Variants in MARCO observed in about 807,000 individuals in gnomAD.
The protein encoded by MARCO is macrophage receptor with collagenous structure.
A neutral mutation model predicts 70.0 loss-of-function variants in MARCO; 72 were observed. That is an observed-to-expected ratio of 1.03 (90% CI 0.85 to 1.25). MARCO has a LOEUF of 1.25. Ranked by LOEUF, MARCO falls within the 50% of genes most tolerant of loss-of-function variation. The pLI is 0.00. For synonymous variants in MARCO, 273 were observed against 243.1 expected (o/e 1.12, Z -1.14); for missense variants, 696 against 659.3 (o/e 1.06, Z -0.61).
chr2:118,984,074 AT>A (rs956782701), intron 12 of MARCO, among the ~76,000 whole-genome samples: 13 of 152,176 alleles, frequency 8.5e-5, no homozygotes, highest in Non-Finnish European at 7.3e-5. Context: ...CCATTAAGAG[AT>A]GCAGCCAGGT....
At chr2:118,970,952 G>A (rs1022085162) in intron 3 of MARCO, among the ~76,000 whole-genome samples, 1 of 152,202 alleles carries the variant, frequency 6.6e-6, no homozygotes, top group Non-Finnish European at 1.5e-5. Flanking sequence ...TGTGTGAGCT[G>A]AGGCTTAGGA....
intron 3 of MARCO, among the ~76,000 whole-genome samples, 181 bp downstream of exon 3, chr2:118,970,519 C>T (rs1452360843): frequency 5.9e-5 from 9 of 152,154 alleles, no homozygotes; most frequent in African/African-American, 2.2e-4. Context: ...TCCAGAATGT[C>T]TGGGAGGGAG....
intron 12 of MARCO, among the ~76,000 whole-genome samples, chr2:118,989,355 T>G (rs115023650): frequency 6.6e-6 from 1 of 152,160 alleles, no homozygotes; most frequent in Non-Finnish European, 1.5e-5. Flanking sequence ...GTTCTGTCCC[T>G]TTCCCTAACA....
In MARCO at chr2:118,969,270, G is replaced by A; in HGVS notation, c.199+9G>A. On this transcript the variant is annotated intron_variant, in intron 2 of 16. Coordinates refer to ENST00000327097, the MANE Select transcript of MARCO (RefSeq NM_006770.4). ...GCTGCTGGTGGTCCAAGGTAAAGCA[G>A]GCTTGGTCCTGTGTAGTCCCTCCTG... 6.2e-7 allele frequency: 1 copy of A among 1,612,324 alleles called. No homozygotes were observed.
intron 1 of MARCO, among the ~76,000 whole-genome samples, chr2:118,943,158 A>G (rs568443845): frequency 4.6e-5 from 7 of 152,300 alleles, no homozygotes; most frequent in Non-Finnish European, 1.0e-4. Flanking sequence ...TCTATGCAGG[A>G]AAATTGGTGG....
intron 12 of MARCO, among the ~76,000 whole-genome samples, chr2:118,987,131 T>C (rs1281116157): frequency 6.6e-6 from 1 of 152,218 alleles, no homozygotes; most frequent in Non-Finnish European, 1.5e-5. Context: ...CTTGGGAGAA[T>C]ATTATTTCTG....
chr2:118,985,569 T>A (rs1381969002), intron 12 of MARCO, among the ~76,000 whole-genome samples: 6 of 152,188 alleles, frequency 3.9e-5, no homozygotes, highest in Non-Finnish European at 8.8e-5. Context: ...TCAGGGTCAC[T>A]TTTTTTACCT....
At position 118,942,365 on chromosome 2, in the gene MARCO, A is replaced by G; in HGVS notation, c.65A>G (p.His22Arg). ...LLSETQQAAFHQIAMEPFEIN... is the reference protein window; with the variant it reads ...LLSETQQAAFRQIAMEPFEIN... Reference sequence around the variant, plus strand: ...AGTGAGACCCAACAAGCTGCTTTTCACCAAATTGCAATGGAGCCTTTCGAA... The same window carrying G: ...AGTGAGACCCAACAAGCTGCTTTTCGCCAAATTGCAATGGAGCCTTTCGAA... The change falls in exon 1 of 17, where the codon CAC becomes CGC. Residue 22 changes from histidine (H) to arginine (R), a missense_variant. Around this residue, in one of 3 missense-constraint regions of MARCO, gnomAD observed 605 missense variants for 537.6 expected, o/e 1.13. Coordinates refer to ENST00000327097, the MANE Select transcript of MARCO (RefSeq NM_006770.4). 6.2e-7 allele frequency: 1 copy of G among 1,613,756 alleles called. No homozygotes were observed. The highest frequency in any genetic ancestry group is 8.5e-7 in the Non-Finnish European group (1 of 1,179,754).
intron 1 of MARCO, among the ~76,000 whole-genome samples, chr2:118,946,127 T>G (rs1679593991): frequency 2.0e-5 from 3 of 152,162 alleles, no homozygotes; most frequent in Admixed American, 6.6e-5. Flanking sequence ...TTGCAAAAAA[T>G]GTACAGAGAA....
chr2:118,991,355 C>T (rs556217045), intron 13 of MARCO, among the ~76,000 whole-genome samples: 12 of 152,032 alleles, frequency 7.9e-5, no homozygotes, highest in Admixed American at 2.6e-4. Flanking sequence ...CTTGGCCTCC[C>T]GGGATCAAGT....
intron 4 of MARCO, among the ~76,000 whole-genome samples, chr2:118,971,813 TCTGGCTGC>T (rs2104580660): frequency 6.6e-6 from 1 of 152,372 alleles, no homozygotes; most frequent in African/African-American, 2.4e-5. Context: ...CCAGGCATCA[TCTGGCTGC>T]CAGGGCAGCC....
intron 9 of MARCO, 44 bp downstream of exon 9, chr2:118,981,551 C>CATTTT (rs752363038): frequency 0.014 from 19,585 of 1,438,544 alleles, 68 homozygotes; most frequent in East Asian, 0.037. Context: ...TAGGTATTTC[C>CATTTT]TTTTTTTTTT....
intron 4 of MARCO, among the ~76,000 whole-genome samples, chr2:118,973,821 A>G (rs539662162): frequency 2.6e-4 from 39 of 152,250 alleles, no homozygotes; most frequent in South Asian, 1.2e-3. Flanking sequence ...TCTCTCCCCT[A>G]TCCATCCTGG....
intron 1 of MARCO, among the ~76,000 whole-genome samples, chr2:118,948,416 T>A (rs1445898769): frequency 6.6e-6 from 1 of 152,206 alleles, no homozygotes; most frequent in East Asian, 1.9e-4. Context: ...ACAAAAGGTT[T>A]AAGGAAGCAA....
chr2:118,980,347 C>A (rs1680365726), intron 8 of MARCO, among the ~76,000 whole-genome samples: 1 of 152,178 alleles, frequency 6.6e-6, no homozygotes, highest in South Asian at 2.1e-4. Flanking sequence ...GGAGCAGCCA[C>A]CCTTCAAGTA....
chr2:118,960,486 A>T (rs1004106175), intron 1 of MARCO, among the ~76,000 whole-genome samples: 1 of 152,096 alleles, frequency 6.6e-6, no homozygotes, highest in Non-Finnish European at 1.5e-5. Flanking sequence ...ATTTGTTATG[A>T]GTCATAGTTT....
At chr2:118,960,454 G>T (rs1178110200) in intron 1 of MARCO, among the ~76,000 whole-genome samples, 2 of 152,038 alleles carry the variant, frequency 1.3e-5, no homozygotes, top group African/African-American at 4.8e-5. Flanking sequence ...AGTTTGCTAA[G>T]AATTTTTATT....
At chr2:118,954,968 G>C (rs1011250334) in intron 1 of MARCO, among the ~76,000 whole-genome samples, 1 of 151,318 alleles carries the variant, frequency 6.6e-6, no homozygotes, top group Non-Finnish European at 1.5e-5. Flanking sequence ...AAATGAGAAG[G>C]AACTAGAAAA....
intron 12 of MARCO, among the ~76,000 whole-genome samples, chr2:118,990,314 G>C (rs910951998): frequency 1.3e-5 from 2 of 152,106 alleles, no homozygotes; most frequent in Admixed American, 1.3e-4. Flanking sequence ...TCAGGTTACC[G>C]GGGGGCAGGG....
Sources: allele counts gnomAD v4.1 joint callset (sites outside exome capture counted in the v4.1 genomes callset), GRCh38; gene constraint gnomAD v4.1.1; regional missense constraint gnomAD v4.1.1; transcripts MANE v1.5; gene names NCBI Gene and HGNC (gene_info 2026-07-23, HGNC 2026-07-21).